Variants in EIF3M observed in about 807,000 individuals in gnomAD.
EIF3M encodes the protein B5 receptor.
In EIF3M, 25 loss-of-function variants were observed where a neutral mutation model predicts 49.7. The observed-to-expected ratio is 0.50, with a 90% CI of 0.37 to 0.70. The LOEUF (loss-of-function observed/expected upper bound fraction) is 0.70, where lower values mean the gene tolerates loss of function less well. EIF3M is among the 30% of genes least tolerant of loss of function. The pLI is 0.00. For synonymous variants in EIF3M, 156 were observed against 149.8 expected (o/e 1.04, Z -0.30); for missense variants, 350 against 440.0 (o/e 0.80, Z 1.83).
chr11:32,599,969 A>G (rs1046135680), intron 8 of EIF3M, among the ~76,000 whole-genome samples: 2 of 151,936 alleles, frequency 1.3e-5, no homozygotes, highest in Non-Finnish European at 2.9e-5. Context: ...AGCATGTTTC[A>G]TTAGAAATTA....
intron 2 of EIF3M, 129 bp downstream of exon 2, chr11:32,587,273 T>A (rs1284376969): frequency 1.1e-6 from 1 of 909,470 alleles, no homozygotes; most frequent in African/African-American, 1.7e-5. Flanking sequence ...AGGCTGACTG[T>A]ATTTATATGT....
At chr11:32,591,896 G>A (rs1855108210) in intron 5 of EIF3M, 1 of 266,330 alleles carries the variant, frequency 3.8e-6, no homozygotes, top group South Asian at 4.8e-5. Flanking sequence ...ATTGTCCACT[G>A]TAATATCCAA....
intron 1 of EIF3M, among the ~76,000 whole-genome samples, chr11:32,585,075 G>A (rs1321561583): frequency 2.0e-5 from 3 of 152,174 alleles, no homozygotes; most frequent in Non-Finnish European, 4.4e-5. Context: ...AATTGCGGGA[G>A]TGAGTTCCCC....
chr11:32,592,263 C>T (rs1434668101), intron 5 of EIF3M: 4 of 450,848 alleles, frequency 8.9e-6, no homozygotes, highest in African/African-American at 2.0e-5. Flanking sequence ...TTTCACTTCA[C>T]TAACGCCTGT....
In EIF3M at chr11:32,602,572, A is replaced by G; in HGVS notation, c.*173A>G. On this transcript the variant is annotated 3_prime_UTR_variant, in exon 11 of 11. Transcript: ENST00000531120. The stretch of plus-strand genomic sequence containing the variant: ...ATTACAAGGGGTCACAATGTCTGTC[A>G]TACAATACATAAATTCTGTTCTTTA... The G allele has an allele frequency of 1.2e-6, 1 of 828,658 alleles. No homozygotes were observed. Among genetic ancestry groups the G allele is most frequent in the South Asian group, 2.0e-5 (1 of 49,402 alleles). 51.3% of individuals were successfully genotyped at this position (828,658 alleles called of 1,614,324 possible). A position where few individuals can be genotyped will look rare whatever the true frequency, so the allele number is the denominator to read the frequency against.
intron 8 of EIF3M, among the ~76,000 whole-genome samples, chr11:32,599,411 G>A (rs1414284522): frequency 2.6e-5 from 4 of 151,898 alleles, no homozygotes; most frequent in Non-Finnish European, 5.9e-5. Context: ...CAAATAGGAA[G>A]CCTGTATCAT....
At chr11:32,586,583 G>A (rs535580382) in intron 1 of EIF3M, among the ~76,000 whole-genome samples, 1 of 152,256 alleles carries the variant, frequency 6.6e-6, no homozygotes, top group Non-Finnish European at 1.5e-5. Flanking sequence ...AACTTTTCTA[G>A]TAGCTGTGGT....
At chr11:32,594,056 G>T in intron 6 of EIF3M, 107 bp downstream of exon 6, 1 of 673,042 alleles carries the variant, frequency 1.5e-6, no homozygotes, top group Admixed American at 3.5e-5. Context: ...GTGATCCAGA[G>T]CCATTTGATA....
intron 9 of EIF3M, 104 bp downstream of exon 9, chr11:32,600,936 T>G (rs1855252667): frequency 7.0e-7 from 1 of 1,423,226 alleles, no homozygotes; most frequent in Middle Eastern, 2.1e-4. Context: ...CAACAAAGAT[T>G]TGTTTATAGC....
chr11:32,586,880 A>T (rs1307453461), intron 1 of EIF3M, 132 bp from the exon 2 acceptor site: 2 of 1,231,978 alleles, frequency 1.6e-6, no homozygotes, highest in Non-Finnish European at 2.2e-6. Context: ...GAGGTGAGGG[A>T]GGGGTCTTCA....
In EIF3M at chr11:32,594,952, T is replaced by C. The variant is rs750661301; in HGVS notation, c.656T>C (p.Leu219Pro). 1 of 1,613,720 alleles carries C rather than the reference T, an allele frequency of 6.2e-7. No individual in the cohort carries two copies. The highest frequency in any genetic ancestry group is 1.7e-5 in the Admixed American group (1 of 59,990). The change falls in exon 7 of 11, where the codon CTT (leucine) becomes CCT (proline). Residue 219 changes from leucine to proline, a missense_variant. Physicochemically the swap from Leu to Pro is moderately conservative, Grantham distance 98 (BLOSUM62 -3). Coordinates refer to ENST00000531120, the MANE Select transcript of EIF3M (RefSeq NM_006360.6). The stretch of plus-strand genomic sequence containing the variant: ...GCATTGAAAGATCCAAATGCATTTC[T>C]TTTTGACCACCTTCTTACTTTAAAA... ...VRALKDPNAF[L>P]FDHLLTLKPV...
rs1306171913 is a variant in EIF3M, at chr11:32,605,345, A to C, written c.*2946A>C. 2 of 151,666 alleles carry C rather than the reference A, an allele frequency of 1.3e-5. No individual in the cohort carries two copies. The highest frequency in any genetic ancestry group is 1.3e-4 in the Admixed American group (2 of 15,216). 9.4% of individuals were successfully genotyped at this position (151,666 alleles called of 1,614,324 possible). A position where few individuals can be genotyped will look rare whatever the true frequency, so the allele number is the denominator to read the frequency against. ...GTGATTCTTTGTTCATATTTATCTG[A>C]TTGGCTTTGTTCTTCCAAAAGTGTC... is the stretch of plus-strand genomic sequence containing the variant. On this transcript the variant is annotated 3_prime_UTR_variant, in exon 11 of 11. Coordinates refer to ENST00000531120, the MANE Select transcript of EIF3M (RefSeq NM_006360.6).
At chr11:32,594,807 G>T (rs560180487) in intron 6 of EIF3M, 107 bp from the exon 7 acceptor site, 4 of 889,366 alleles carry the variant, frequency 4.5e-6, no homozygotes, top group Non-Finnish European at 6.8e-6. Flanking sequence ...ATATGTTTTG[G>T]ACTGTTAGAT....
Position 32,597,500 on chromosome 11 carries a change from C to A in EIF3M, c.799+1453C>A, listed in dbSNP as rs555710613. Reference sequence around the variant, plus strand: ...CTACGTTTGTTGAAAACAGCATAGTCTTTATTATTTTTATCTTTGAATTTT... The same window carrying A: ...CTACGTTTGTTGAAAACAGCATAGTATTTATTATTTTTATCTTTGAATTTT... On this transcript the variant is annotated intron_variant, in intron 8 of 10. Coordinates refer to ENST00000531120, the MANE Select transcript of EIF3M (RefSeq NM_006360.6). Among the ~76,000 whole-genome samples, 3 of 152,260 alleles carry A rather than the reference C, an allele frequency of 2.0e-5. No individual in the cohort carries two copies. In the South Asian group the frequency reaches 6.2e-4, roughly 32 times the overall value.
In EIF3M at chr11:32,600,756, T is replaced by C. The variant is rs1228763531; in HGVS notation, c.867T>C (p.Asn289=). 3 of 1,611,554 alleles carry C rather than the reference T, an allele frequency of 1.9e-6. No homozygotes were observed. The Admixed American group carries it at 5.0e-5, about 27-fold the overall frequency. The change falls in exon 9 of 11, where the codon AAT becomes AAC. Residue 289 remains asparagine (N), a synonymous_variant. Transcript: ENST00000531120. The part of the protein sequence containing the change: ...LLTFMGMAVE[N]KEISFDTMQQ... ...CTTTTATGGGAATGGCAGTAGAAAATAAGGAAATTTCTTTTGACACAATGC... is the reference window on the plus strand; with the variant it reads ...CTTTTATGGGAATGGCAGTAGAAAACAAGGAAATTTCTTTTGACACAATGC...
At chr11:32,585,085 C>T (rs1479353076) in intron 1 of EIF3M, among the ~76,000 whole-genome samples, 2 of 152,034 alleles carry the variant, frequency 1.3e-5, no homozygotes, top group African/African-American at 2.4e-5. Context: ...GTGAGTTCCC[C>T]CTCTCTCCTC....
rs1304273537 is a variant in EIF3M, at chr11:32,602,989, A to G, written c.*590A>G. 6.2e-7 allele frequency: 1 copy of G among 1,609,444 alleles called. No homozygotes were observed. The highest frequency in any genetic ancestry group is 1.1e-5 in the South Asian group (1 of 89,432). Reference sequence around the variant, plus strand: ...CTTGATTGCCTGCAAATGGCTTTGTAGTGGAGTTGATATCAGAGGCTTTGT... The same window carrying G: ...CTTGATTGCCTGCAAATGGCTTTGTGGTGGAGTTGATATCAGAGGCTTTGT... On this transcript the variant is annotated 3_prime_UTR_variant, in exon 11 of 11. Coordinates refer to ENST00000531120, the MANE Select transcript of EIF3M (RefSeq NM_006360.6).
In EIF3M at chr11:32,589,130, G is replaced by C. The variant is rs1237598196; in HGVS notation, c.433G>C (p.Asp145His). The C allele has an allele frequency of 6.2e-7, 1 of 1,614,040 alleles. No homozygotes were observed. The highest frequency in any genetic ancestry group is 8.5e-7 in the Non-Finnish European group (1 of 1,179,986). ...CATCCAGTACATCCCAACTGAGCTGGATCAAGTGAGTTACTGTGTGGAATA... is the reference window on the plus strand; with the variant it reads ...CATCCAGTACATCCCAACTGAGCTGCATCAAGTGAGTTACTGTGTGGAATA... ...GAIQYIPTELDQVRKWISDWN... is the reference protein window; with the variant it reads ...GAIQYIPTELHQVRKWISDWN... The change falls in exon 4 of 11, where the codon GAT becomes CAT. Residue 145 changes from aspartate (D) to histidine (H), a missense_variant. Transcript: ENST00000531120.
intron 5 of EIF3M, among the ~76,000 whole-genome samples, chr11:32,589,993 T>G (rs1855075255): frequency 6.6e-6 from 1 of 152,164 alleles, no homozygotes; most frequent in Admixed American, 6.5e-5. Context: ...CAAAAAACTT[T>G]GTGTTAATGT....
Sources: allele counts gnomAD v4.1 joint callset (sites outside exome capture counted in the v4.1 genomes callset), GRCh38; gene constraint gnomAD v4.1.1; transcripts MANE v1.5; gene names NCBI Gene and HGNC (gene_info 2026-07-23, HGNC 2026-07-21).